The following SDCCAG8 variants were observed in gnomAD, a reference collection of about 807,000 sequenced individuals.
The protein encoded by SDCCAG8 is SHH signaling and ciliogenesis regulator SDCCAG8.
A neutral mutation model predicts 101.8 loss-of-function variants in SDCCAG8; 74 were observed. The observed-to-expected ratio is 0.73, with a 90% confidence interval of 0.60 to 0.88. The LOEUF (loss-of-function observed/expected upper bound fraction) is 0.88. Among genes scored for constraint, SDCCAG8 ranks in the 40% least tolerant of loss-of-function variants. The pLI, the probability that SDCCAG8 is intolerant of heterozygous loss-of-function variation, is 0.00. For missense variants in SDCCAG8, 787 were observed against 822.6 expected (o/e 0.96, Z 0.53); for synonymous variants, 281 against 292.9 (o/e 0.96, Z 0.41).
At chr1:243,376,457 G>A (rs939555213) in intron 12 of SDCCAG8, among the ~76,000 whole-genome samples, 9 of 152,098 alleles carry the variant, frequency 5.9e-5, no homozygotes, top group Non-Finnish European at 8.8e-5. Context: ...TTTTGGCAAC[G>A]CAACCCTTGA....
At chr1:243,424,720 A>C (rs1406589827) in intron 15 of SDCCAG8, among the ~76,000 whole-genome samples, 2 of 152,124 alleles carry the variant, frequency 1.3e-5, no homozygotes, top group African/African-American at 4.8e-5. Context: ...TTCTAGAAAC[A>C]ATGCTACAAT....
chr1:243,293,523 C>T (rs2070484983), intron 6 of SDCCAG8: 2 of 520,862 alleles, frequency 3.8e-6, no homozygotes, highest in South Asian at 3.1e-5. Context: ...ATTTCAGATA[C>T]TTGACATAAG....
At chr1:243,311,182 GTAAC>G (rs1442419507) in intron 8 of SDCCAG8, among the ~76,000 whole-genome samples, 1 of 152,176 alleles carries the variant, frequency 6.6e-6, no homozygotes, top group Non-Finnish European at 1.5e-5. Flanking sequence ...TCAAAGGAGA[GTAAC>G]TAAACATGGT....
chr1:243,480,314 T>A (rs1186269868), intron 16 of SDCCAG8, among the ~76,000 whole-genome samples: 1 of 127,854 alleles, frequency 7.8e-6, no homozygotes, highest in East Asian at 2.4e-4. Context: ...GTGGGATGGA[T>A]GGATGGGTGG....
chr1:243,346,422 G>C (rs1209981255), intron 12 of SDCCAG8, among the ~76,000 whole-genome samples: 1 of 152,208 alleles, frequency 6.6e-6, no homozygotes, highest in East Asian at 1.9e-4. Flanking sequence ...TGCAAACAAG[G>C]TGTTCTTCAT....
intron 13 of SDCCAG8, among the ~76,000 whole-genome samples, chr1:243,384,416 G>T (rs2078144561): frequency 6.6e-6 from 1 of 152,086 alleles, no homozygotes; most frequent in African/African-American, 2.4e-5. Flanking sequence ...AATTTTACTT[G>T]TCTCTATGAT....
intron 16 of SDCCAG8, among the ~76,000 whole-genome samples, chr1:243,470,259 C>T (rs1011716423): frequency 4.6e-5 from 7 of 152,142 alleles, no homozygotes; most frequent in African/African-American, 1.4e-4. Context: ...CCCCTCACTC[C>T]GCCTTTTGGG....
At chr1:243,326,363 T>C (rs2074149609) in intron 9 of SDCCAG8, among the ~76,000 whole-genome samples, 1 of 152,174 alleles carries the variant, frequency 6.6e-6, no homozygotes, top group Non-Finnish European at 1.5e-5. Context: ...TTTTCAAATA[T>C]CCAAATTATT....
chr1:243,295,678 G>A (rs2070800961), intron 6 of SDCCAG8, among the ~76,000 whole-genome samples: 1 of 152,128 alleles, frequency 6.6e-6, no homozygotes, highest in African/African-American at 2.4e-5. Flanking sequence ...TCCCCAAAAT[G>A]TTCCCTTCTT....
At position 243,373,691 on chromosome 1, in the gene SDCCAG8, C is replaced by T. The variant is rs150318099; in HGVS notation, c.1474-5030C>T. 4.1e-3 allele frequency among the ~76,000 whole-genome samples: 625 copies of T among 152,198 alleles called. 4 individuals carry two copies. The highest frequency in any genetic ancestry group is 0.014 in the African/African-American group (591 of 41,562). On this transcript the variant is annotated intron_variant, in intron 12 of 17. Transcript: ENST00000366541. ...TTATGATTTTTGCTTACATTATAGC[C>T]ATGCAAATTCCACTGGCCAAATGAA...
Position 243,351,911 on chromosome 1 carries a change from G to C in SDCCAG8, c.1473+7580G>C, listed in dbSNP as rs994782572. Among the ~76,000 whole-genome samples, 8 of 152,314 alleles carry C rather than the reference G, an allele frequency of 5.3e-5. No individual in the cohort carries two copies. The East Asian group carries it at 1.2e-3, about 22-fold the overall frequency. On this transcript the variant is annotated intron_variant, in intron 12 of 17. Transcript: ENST00000366541. ...TTCAATTTTTCTGCATAAAGAAGCA[G>C]TTCCAAATCAATCCAGTGAATAATA...
At chr1:243,352,621 A>G (rs531477401) in intron 12 of SDCCAG8, among the ~76,000 whole-genome samples, 2 of 152,342 alleles carry the variant, frequency 1.3e-5, no homozygotes, top group South Asian at 4.1e-4. Flanking sequence ...GTCCAGAAAT[A>G]TTAGTACCTA....
chr1:243,416,947 T>C lies in SDCCAG8; in HGVS notation c.1745-1021T>C, dbSNP rs988445015. Among the ~76,000 whole-genome samples, 1 of 152,230 alleles carries C rather than the reference T, an allele frequency of 6.6e-6. No individual in the cohort carries two copies. The highest frequency in any genetic ancestry group is 1.5e-5 in the Non-Finnish European group (1 of 68,040). Reference sequence around the variant, plus strand: ...AGAAATAAAGGCCTCTTAAAACTTATGCTTAGAGGTAATTTTCATATGATT... The same window carrying C: ...AGAAATAAAGGCCTCTTAAAACTTACGCTTAGAGGTAATTTTCATATGATT... On this transcript the variant is annotated intron_variant, in intron 14 of 17. Transcript: ENST00000366541. This position sits in a 1 kb window ranked among gnomAD's most constrained non-coding sequence, Gnocchi z 4.3.
chr1:243,430,052 T>C (rs991940341), intron 16 of SDCCAG8, among the ~76,000 whole-genome samples: 3 of 152,120 alleles, frequency 2.0e-5, no homozygotes, highest in African/African-American at 7.2e-5. Context: ...CAGTCTGGTC[T>C]TGAATTCCTC....
intron 13 of SDCCAG8, among the ~76,000 whole-genome samples, chr1:243,395,033 G>A (rs770097268): frequency 5.3e-5 from 8 of 151,920 alleles, no homozygotes; most frequent in Non-Finnish European, 7.4e-5. Flanking sequence ...TTCGTTTCCC[G>A]TTTCTTTTTC....
intron 8 of SDCCAG8, among the ~76,000 whole-genome samples, chr1:243,308,988 C>G (rs2072445656): frequency 6.6e-6 from 1 of 152,156 alleles, no homozygotes; most frequent in South Asian, 2.1e-4. Flanking sequence ...CAGCTCTGCC[C>G]CATTTTGTCC....
chr1:243,333,894 C>T (rs1441248137), intron 10 of SDCCAG8, among the ~76,000 whole-genome samples: 1 of 152,140 alleles, frequency 6.6e-6, no homozygotes, highest in Non-Finnish European at 1.5e-5. Context: ...GTGTCTTTAG[C>T]AGTACTATAG....
intron 10 of SDCCAG8, among the ~76,000 whole-genome samples, chr1:243,337,405 C>T (rs1207646126): frequency 6.6e-6 from 1 of 152,044 alleles, no homozygotes; most frequent in East Asian, 1.9e-4. Context: ...CCTAGTAAGC[C>T]CTGGCTGACA....
chr1:243,354,620 G>A (rs187702851), intron 12 of SDCCAG8, among the ~76,000 whole-genome samples: 1 of 152,154 alleles, frequency 6.6e-6, no homozygotes, highest in Non-Finnish European at 1.5e-5. Context: ...TCTTCGGCCA[G>A]AGTTTCTTAG....
Sources: gnomAD v4.1 joint callset for allele counts (sites outside exome capture counted in the v4.1 genomes callset) on GRCh38, gnomAD v4.1.1 for gene constraint, Gnocchi (gnomAD v3.1) non-coding constraint, MANE v1.5 for transcripts, NCBI Gene and HGNC (gene_info 2026-07-23, HGNC 2026-07-21) for gene names.